RMI1: variants seen among roughly 807,000 people sequenced by gnomAD.
RMI1 encodes the protein RecQ mediated genome instability 1, also known as recQ-mediated genome instability protein 1.
RMI1 carries 36 observed loss-of-function variants against 46.7 expected under a neutral mutation model. That is an observed-to-expected ratio of 0.77 (90% CI 0.59 to 1.02). The LOEUF (loss-of-function observed/expected upper bound fraction) is 1.02, where lower values mean the gene tolerates loss of function less well. Among genes scored for constraint, RMI1 ranks in the 50% least tolerant of loss-of-function variants. The pLI, the probability that RMI1 is intolerant of heterozygous loss-of-function variation, is 0.00. For missense variants in RMI1, 676 were observed against 713.7 expected, an observed-to-expected ratio of 0.95 and a Z score of 0.60; for synonymous variants, 250 against 252.9, an observed-to-expected ratio of 0.99 and a Z score of 0.11.
rs1028218492 is a variant in RMI1 at position 83,999,789 on chromosome 9, T to G, written c.-45T>G. ...TCTGTCATCAAATCCTGTGCTGCTG[T>G]TCCTCGTGGTAAGTTTTCTTATGGA... On this transcript the variant is annotated 5_prime_UTR_variant, in exon 2 of 3. Coordinates refer to ENST00000445877, the MANE Select transcript of RMI1 (RefSeq NM_001358291.2). 1 of 152,234 alleles carries G rather than the reference T, an allele frequency of 6.6e-6. No individual in the cohort carries two copies. The highest frequency in any genetic ancestry group is 1.5e-5 in the Non-Finnish European group (1 of 68,028). 9.4% of individuals were successfully genotyped at this position (152,234 alleles called of 1,614,324 possible). A position where few individuals can be genotyped will look rare whatever the true frequency, so the allele number is the denominator to read the frequency against.
chr9:83,986,715 C>T (rs571558690), intron 1 of RMI1, among the ~76,000 whole-genome samples: 2 of 152,292 alleles, frequency 1.3e-5, no homozygotes, highest in African/African-American at 2.4e-5. Context: ...AAAGTCTTCA[C>T]TTCTCTGTTT....
At chr9:83,995,729 G>T (rs1331506631) in intron 1 of RMI1, among the ~76,000 whole-genome samples, 1 of 152,082 alleles carries the variant, frequency 6.6e-6, no homozygotes, top group African/African-American at 2.4e-5. Context: ...CGCCCAGCAG[G>T]TAATATCTTA....
Position 84,002,337 on chromosome 9 carries a change from G to T in RMI1, c.1351G>T (p.Val451Leu), listed in dbSNP as rs777582733. 5.6e-5 allele frequency: 90 copies of T among 1,602,992 alleles called. No individual in the cohort carries two copies. Among genetic ancestry groups the T allele is most frequent in the Non-Finnish European group, 6.7e-5 (79 of 1,171,106 alleles). The change falls in exon 3 of 3, where the codon GTA becomes TTA. Residue 451 changes from valine (V) to leucine (L), a missense_variant. Transcript: ENST00000445877. ...KILNREVVNY[V>L]QKRNSQISNE... is the part of the protein sequence containing the mutation. Reference sequence around the variant, plus strand: ...ATTAAATAGAGAGGTGGTCAACTATGTACAGAAAAGGAATTCACAAATTTC... The same window carrying T: ...ATTAAATAGAGAGGTGGTCAACTATTTACAGAAAAGGAATTCACAAATTTC...
intron 1 of RMI1, among the ~76,000 whole-genome samples, chr9:83,997,084 T>G (rs1588469489): frequency 3.1e-5 from 4 of 130,106 alleles, no homozygotes; most frequent in Non-Finnish European, 4.8e-5. Flanking sequence ...GTTTTAAAGG[T>G]AGAGGTAAGT....
At chr9:83,995,407 T>C (rs1168070499) in intron 1 of RMI1, among the ~76,000 whole-genome samples, 1 of 151,410 alleles carries the variant, frequency 6.6e-6, no homozygotes, top group African/African-American at 2.4e-5. Flanking sequence ...AGTTCTTTTT[T>C]CCTCATTGTG....
chr9:83,984,701 A>C (rs1319751605), intron 1 of RMI1, among the ~76,000 whole-genome samples: 1 of 151,870 alleles, frequency 6.6e-6, no homozygotes, highest in South Asian at 2.1e-4. Context: ...AGCTGGGATT[A>C]CAGGCATGCG....
intron 1 of RMI1, among the ~76,000 whole-genome samples, chr9:83,984,711 G>A (rs1240535931): frequency 1.3e-5 from 2 of 151,610 alleles, no homozygotes; most frequent in African/African-American, 2.4e-5. Context: ...ACAGGCATGC[G>A]CCACCAGGCT....
intron 1 of RMI1, among the ~76,000 whole-genome samples, chr9:83,991,680 T>G (rs1195722407): frequency 2.0e-5 from 3 of 152,210 alleles, no homozygotes; most frequent in African/African-American, 4.8e-5. Flanking sequence ...TTCTGCAAAC[T>G]TTTCTTATAC....
intron 2 of RMI1, among the ~76,000 whole-genome samples, chr9:84,000,532 G>C (rs1957722250): frequency 6.6e-6 from 1 of 152,098 alleles, no homozygotes; most frequent in Non-Finnish European, 1.5e-5. Context: ...GGGTATTGGA[G>C]CATATTCCCC....
At position 84,003,014 on chromosome 9, in the gene RMI1, G is replaced by C; in HGVS notation, c.*150G>C. Reference sequence around the variant, plus strand: ...AATTTTAAAGTGTTTAATCATGTTTGTTATATGTGGAGCTTTTGAAAATAA... The same window carrying C: ...AATTTTAAAGTGTTTAATCATGTTTCTTATATGTGGAGCTTTTGAAAATAA... On this transcript the variant is annotated 3_prime_UTR_variant, in exon 3 of 3. Transcript: ENST00000445877. 4.3e-6 allele frequency: 2 copies of C among 466,680 alleles called. No individual in the cohort carries two copies. The highest frequency in any genetic ancestry group is 7.6e-6 in the Non-Finnish European group (2 of 262,980). The allele number at this position is 466,680 out of a possible 1,614,324, so 28.9% of individuals were successfully genotyped here. A position where few individuals can be genotyped will look rare whatever the true frequency, so the allele number is the denominator to read the frequency against.
intron 1 of RMI1, among the ~76,000 whole-genome samples, chr9:83,995,321 A>G (rs1195403616): frequency 6.7e-6 from 1 of 148,690 alleles, no homozygotes; most frequent in Non-Finnish European, 1.5e-5. Context: ...TTTAAAAAAC[A>G]TTTCCTTCAC....
Position 83,985,263 on chromosome 9 carries a change from A to G in RMI1, c.-126+4372A>G, listed in dbSNP as rs570132483. Among the ~76,000 whole-genome samples, 4 of 152,376 alleles carry G rather than the reference A, an allele frequency of 2.6e-5. No individual in the cohort carries two copies. In the East Asian group the frequency reaches 7.7e-4, roughly 29 times the overall value. On this transcript the variant is annotated intron_variant, in intron 1 of 2. Transcript: ENST00000445877. ...TACACATCATCTTTTTATTATAATT[A>G]AGACATGCAGTTGTAGGAATTATAT...
chr9:84,002,924 C>A lies in RMI1; in HGVS notation c.*60C>A. ...AACAAGGAAATATTTAGAATTTGTTCACAATTTTACTTATGATACTTTGTG... is the reference window on the plus strand; with the variant it reads ...AACAAGGAAATATTTAGAATTTGTTAACAATTTTACTTATGATACTTTGTG... On this transcript the variant is annotated 3_prime_UTR_variant, in exon 3 of 3. Transcript: ENST00000445877. 1.9e-6 allele frequency: 2 copies of A among 1,028,384 alleles called. No individual in the cohort carries two copies. Among genetic ancestry groups the A allele is most frequent in the South Asian group, 2.2e-5 (1 of 46,510 alleles). 63.7% of individuals were successfully genotyped at this position (1,028,384 alleles called of 1,614,324 possible).
chr9:84,002,878 G>A lies in RMI1; in HGVS notation c.*14G>A, dbSNP rs1957760873. 1.5e-6 allele frequency: 2 copies of A among 1,366,022 alleles called. No individual in the cohort carries two copies. The highest frequency in any genetic ancestry group is 1.4e-5 in the South Asian group (1 of 71,562). The allele number at this position is 1,366,022 out of a possible 1,614,324, so 84.6% of individuals were successfully genotyped here. ...TTAAATAAATAATTAAACTAAAATAGTATTAGGAACAATTAAAAACAACAA... is the reference window on the plus strand; with the variant it reads ...TTAAATAAATAATTAAACTAAAATAATATTAGGAACAATTAAAAACAACAA... On this transcript the variant is annotated 3_prime_UTR_variant, in exon 3 of 3. Coordinates refer to ENST00000445877, the MANE Select transcript of RMI1 (RefSeq NM_001358291.2).
At chr9:83,986,828 C>T (rs568846416) in intron 1 of RMI1, among the ~76,000 whole-genome samples, 1 of 152,240 alleles carries the variant, frequency 6.6e-6, no homozygotes, top group South Asian at 2.1e-4. Context: ...ACCAATCAGT[C>T]TTCTTTTCTT....
chr9:83,993,740 T>G (rs965113925), intron 1 of RMI1, among the ~76,000 whole-genome samples: 1 of 152,118 alleles, frequency 6.6e-6, no homozygotes, highest in Non-Finnish European at 1.5e-5. Context: ...ATTAGTGATG[T>G]TGAGCATCTT....
chr9:84,001,909 A>T lies in RMI1; in HGVS notation c.923A>T (p.Asp308Val). 1.9e-6 allele frequency: 3 copies of T among 1,614,076 alleles called. No individual in the cohort carries two copies. Among genetic ancestry groups the T allele is most frequent in the Non-Finnish European group, 2.5e-6 (3 of 1,179,950 alleles). The stretch of plus-strand genomic sequence containing the variant: ...TCAAACCTATCTATACATGTAATGG[A>T]TGGAGAATTAGATGACTTTTCACTG... ...EPSNLSIHVMDGELDDFSLEE... is the reference protein window; with the variant it reads ...EPSNLSIHVMVGELDDFSLEE... Residue 308 changes from aspartate (D) to valine (V), a missense_variant, in exon 3 of 3, where the codon GAT (aspartate) becomes GTT (valine). Transcript: ENST00000445877.
Position 84,001,935 on chromosome 9 carries a change from G to C in RMI1, c.949G>C (p.Glu317Gln). The change falls in exon 3 of 3, where the codon GAG (glutamate) becomes CAG (glutamine). Residue 317 changes from glutamate to glutamine, a missense_variant. Glu to Gln is a conservative substitution (Grantham distance 29, BLOSUM62 2). Coordinates refer to ENST00000445877, the MANE Select transcript of RMI1 (RefSeq NM_001358291.2). ...MDGELDDFSL[E>Q]EALLLEETVQ... Reference sequence around the variant, plus strand: ...TGGAGAATTAGATGACTTTTCACTGGAGGAGGCCTTGCTTTTAGAAGAAAC... The same window carrying C: ...TGGAGAATTAGATGACTTTTCACTGCAGGAGGCCTTGCTTTTAGAAGAAAC... The C allele has an allele frequency of 1.2e-6, 2 of 1,614,008 alleles. No individual in the cohort carries two copies. The highest frequency in any genetic ancestry group is 1.7e-5 in the Admixed American group (1 of 60,010).
intron 1 of RMI1, among the ~76,000 whole-genome samples, chr9:83,984,939 A>C (rs987763353): frequency 2.6e-5 from 4 of 152,194 alleles, no homozygotes; most frequent in Admixed American, 6.5e-5. Context: ...GGAGTTCTTT[A>C]GGATCAGGAG....
Sources: allele counts gnomAD v4.1 joint callset (sites outside exome capture counted in the v4.1 genomes callset), GRCh38; gene constraint gnomAD v4.1.1; transcripts MANE v1.5; gene names NCBI Gene and HGNC (gene_info 2026-07-23, HGNC 2026-07-21).